TAF8: variants seen among roughly 807,000 people sequenced by gnomAD.
The protein encoded by TAF8 is transcription initiation factor TFIID subunit 8.
In TAF8, 47 loss-of-function variants were observed where a neutral mutation model predicts 36.5. The observed-to-expected ratio is 1.29, with a 90% CI of 1.02 to 1.64. TAF8 has a LOEUF of 1.64. Ranked by LOEUF, TAF8 falls within the 40% of genes most tolerant of loss-of-function variation. The pLI is 0.00. For synonymous variants in TAF8, 175 were observed against 159.5 expected, an observed-to-expected ratio of 1.10 and a Z score of -0.73; for missense variants, 420 against 407.6, an observed-to-expected ratio of 1.03 and a Z score of -0.26.
chr6:42,061,991 C>G (rs1765205437), intron 5 of TAF8, among the ~76,000 whole-genome samples: 1 of 152,156 alleles, frequency 6.6e-6, no homozygotes, highest in Admixed American at 6.5e-5. Context: ...ACTTAGCTTT[C>G]CAAACAAGAC....
At chr6:42,072,867 C>T (rs1297206120) in intron 7 of TAF8, among the ~76,000 whole-genome samples, 12 of 152,014 alleles carry the variant, frequency 7.9e-5, no homozygotes, top group African/African-American at 1.9e-4. Context: ...GGACTACAGG[C>T]GCCCGCCACC....
intron 7 of TAF8, among the ~76,000 whole-genome samples, chr6:42,071,862 A>G (rs1765591787): frequency 6.6e-6 from 1 of 152,188 alleles, no homozygotes; most frequent in South Asian, 2.1e-4. Flanking sequence ...TTGGACATGC[A>G]TTCACTGACG....
intron 4 of TAF8, among the ~76,000 whole-genome samples, chr6:42,056,552 GAGT>G (rs143547830): frequency 0.025 from 3,840 of 152,276 alleles, 158 homozygotes; most frequent in African/African-American, 0.085. Context: ...GCTGAGTAGA[GAGT>G]AACCAGTTTG....
At chr6:42,067,383 T>C (rs1266212654) in intron 6 of TAF8, among the ~76,000 whole-genome samples, 2 of 151,466 alleles carry the variant, frequency 1.3e-5, no homozygotes, top group Non-Finnish European at 2.9e-5. Flanking sequence ...CCAGCTAATT[T>C]TTTGTATTTT....
intron 8 of TAF8, 27 bp downstream of exon 8, chr6:42,077,266 G>T: frequency 6.2e-7 from 1 of 1,604,636 alleles, no homozygotes; most frequent in Non-Finnish European, 8.5e-7. Context: ...GGTCCAGAGA[G>T]CCTTCACTGT....
At position 42,057,521 on chromosome 6, in the gene TAF8, A is replaced by T; in HGVS notation, c.489+8A>T. ...ACCTACATCAAAACTCCGGTGAGTGATGAAGCACTGGGACTGCGCGTGGTG... is the reference window on the plus strand; with the variant it reads ...ACCTACATCAAAACTCCGGTGAGTGTTGAAGCACTGGGACTGCGCGTGGTG... On this transcript the variant is annotated splice_region_variant and intron_variant, in intron 5 of 8. Transcript: ENST00000372977. 6.2e-7 allele frequency: 1 copy of T among 1,614,144 alleles called. No individual in the cohort carries two copies. The highest frequency in any genetic ancestry group is 1.1e-5 in the South Asian group (1 of 91,086).
chr6:42,080,256 G>T lies in TAF8; in HGVS notation c.*2711G>T, dbSNP rs6906808. On this transcript the variant is annotated 3_prime_UTR_variant, in exon 9 of 9. Coordinates refer to ENST00000372977, the MANE Select transcript of TAF8 (RefSeq NM_138572.3). ...GTTTCTGCAGCTTCCATTTGTTGTT[G>T]TTATCCAGTGTAAGCACCTGTTGAA... 431,971 of 985,038 alleles carry T rather than the reference G, an allele frequency of 0.44. 98,669 individuals are homozygous for T. The highest frequency in any genetic ancestry group is 0.48 in the Middle Eastern group (911 of 1,910). The allele number at this position is 985,038 out of a possible 1,614,324, so 61.0% of individuals were successfully genotyped here.
intron 5 of TAF8, among the ~76,000 whole-genome samples, chr6:42,061,657 G>A (rs967811936): frequency 6.6e-6 from 1 of 152,124 alleles, no homozygotes; most frequent in African/African-American, 2.4e-5. Flanking sequence ...GAAGTTTTAT[G>A]TAATTTTGGA....
At chr6:42,066,172 A>C in intron 5 of TAF8, 140 bp from the exon 6 acceptor site, 1 of 1,031,228 alleles carries the variant, frequency 9.7e-7, no homozygotes, top group Non-Finnish European at 1.4e-6. Flanking sequence ...AAGTGCTGGG[A>C]TTACAGGTGT....
At chr6:42,064,514 C>G (rs2127456754) in intron 5 of TAF8, among the ~76,000 whole-genome samples, 1 of 152,236 alleles carries the variant, frequency 6.6e-6, no homozygotes, top group South Asian at 2.1e-4. Flanking sequence ...CTCGGCCTCC[C>G]AAAGTGCTGG....
At chr6:42,060,074 T>C (rs1765139752) in intron 5 of TAF8, among the ~76,000 whole-genome samples, 1 of 152,138 alleles carries the variant, frequency 6.6e-6, no homozygotes, top group South Asian at 2.1e-4. Flanking sequence ...ACTCTGTAGT[T>C]TTACTACAGT....
chr6:42,075,036 C>T (rs942304436), intron 7 of TAF8, among the ~76,000 whole-genome samples: 2 of 152,128 alleles, frequency 1.3e-5, no homozygotes, highest in African/African-American at 4.8e-5. Context: ...TTTTCAGCAC[C>T]TCTAACAGTG....
At chr6:42,056,399 T>C (rs1249921253) in intron 4 of TAF8, 7 of 231,508 alleles carry the variant, frequency 3.0e-5, no homozygotes, top group Non-Finnish European at 5.2e-5. Flanking sequence ...TATTTACTTA[T>C]TATCTGTGGT....
chr6:42,078,420 A>T lies in TAF8; in HGVS notation c.*875A>T. 1.0e-6 allele frequency: 1 copy of T among 985,250 alleles called. No homozygotes were observed. Among genetic ancestry groups the T allele is most frequent in the Non-Finnish European group, 1.2e-6 (1 of 829,790 alleles). 61.0% of individuals were successfully genotyped at this position (985,250 alleles called of 1,614,324 possible). A position where few individuals can be genotyped will look rare whatever the true frequency, so the allele number is the denominator to read the frequency against. On this transcript the variant is annotated 3_prime_UTR_variant, in exon 9 of 9. Transcript: ENST00000372977. ...TCACAATTTGTGGCACCACTTTCTCATCCCAGAACTTCATTCTTATTTCTC... is the reference window on the plus strand; with the variant it reads ...TCACAATTTGTGGCACCACTTTCTCTTCCCAGAACTTCATTCTTATTTCTC...
intron 1 of TAF8, chr6:42,050,874 T>C: frequency 1.0e-5 from 12 of 1,193,368 alleles, no homozygotes; most frequent in Non-Finnish European, 1.3e-5. Context: ...CCGGCCAAAG[T>C]TGAAAGGCAT....
At chr6:42,056,108 C>T in intron 4 of TAF8, 94 bp downstream of exon 4, 1 of 841,444 alleles carries the variant, frequency 1.2e-6, no homozygotes, top group South Asian at 1.4e-5. Context: ...TTAGTAGCTA[C>T]TTCCTTGTTG....
rs750738944 is a variant in TAF8 at position 42,083,063 on chromosome 6, T to A, written c.*5518T>A. 10 of 152,250 alleles carry A rather than the reference T, an allele frequency of 6.6e-5. No homozygotes were observed. Among genetic ancestry groups the A allele is most frequent in the Non-Finnish European group, 1.5e-4 (10 of 68,048 alleles). 9.4% of individuals were successfully genotyped at this position (152,250 alleles called of 1,614,324 possible). ...AAAATTTAAAAGACAGAAAAAGATA[T>A]AAGTGATAACAAAATATCTTCCTCC... On this transcript the variant is annotated 3_prime_UTR_variant, in exon 9 of 9. Transcript: ENST00000372977.
chr6:42,067,537 G>A (rs765447632), intron 6 of TAF8, among the ~76,000 whole-genome samples: 12 of 150,608 alleles, frequency 8.0e-5, no homozygotes, highest in Non-Finnish European at 1.3e-4. Flanking sequence ...TTTTCTAACA[G>A]TCACATTCTA....
rs887749658 is a variant in TAF8 at position 42,078,655 on chromosome 6, C to T, written c.*1110C>T. The T allele has an allele frequency of 2.2e-5, 22 of 985,284 alleles. No individual in the cohort carries two copies. The highest frequency in any genetic ancestry group is 2.4e-5 in the Non-Finnish European group (20 of 829,934). The allele number at this position is 985,284 out of a possible 1,614,324, so 61.0% of individuals were successfully genotyped here. ...GGCATTTGACGAAAGCTCCCTGAAG[C>T]GGGGCAGCACTCTCCTCCTGAGAGA... On this transcript the variant is annotated 3_prime_UTR_variant, in exon 9 of 9. Coordinates refer to ENST00000372977, the MANE Select transcript of TAF8 (RefSeq NM_138572.3).
Sources: gnomAD v4.1 joint callset for allele counts (sites outside exome capture counted in the v4.1 genomes callset) on GRCh38, gnomAD v4.1.1 for gene constraint, MANE v1.5 for transcripts, NCBI Gene and HGNC (gene_info 2026-07-23, HGNC 2026-07-21) for gene names.